The following FGF12 variants were observed in gnomAD, a reference collection of about 807,000 sequenced individuals.
FGF12 encodes the protein fibroblast growth factor 12B.
In FGF12, 14 loss-of-function variants were observed where a neutral mutation model predicts 23.6. The observed-to-expected ratio is 0.59, with a 90% CI of 0.39 to 0.93. The LOEUF (loss-of-function observed/expected upper bound fraction) is 0.93, where lower values mean the gene tolerates loss of function less well. Ranked by LOEUF, FGF12 falls within the 40% of genes least tolerant of loss-of-function variation. The probability of loss-of-function intolerance (pLI) is 0.00; values close to 1 mark genes in which losing one functional copy is unlikely to be tolerated. For synonymous variants in FGF12, 62 were observed against 77.3 expected, an observed-to-expected ratio of 0.80 and a Z score of 1.04; for missense variants, 175 against 217.8, an observed-to-expected ratio of 0.80 and a Z score of 1.24.
intron 2 of FGF12, among the ~76,000 whole-genome samples, chr3:192,601,917 AT>A (rs35676895): frequency 0.15 from 23,100 of 151,924 alleles, 1,781 homozygotes; most frequent in Middle Eastern, 0.19. Context: ...ACAACTGTCC[AT>A]TTTTTTTAAG....
In FGF12 at chr3:192,514,866, C is replaced by G. The variant is rs1724612867; in HGVS notation, c.14-154328G>C. ...CGGGTCCCGAGTCCATCGCGCGCGC[C>G]CAGGTGGAGGGGAGTTTGCACATGG... On this transcript the variant is annotated intron_variant, in intron 2 of 5. Transcript: ENST00000445105. The surrounding 1 kb of genome is among the most constrained non-coding windows in gnomAD (Gnocchi z 4.9). 1.0e-6 allele frequency: 1 copy of G among 985,238 alleles called. No individual in the cohort carries two copies. Among genetic ancestry groups the G allele is most frequent in the African/African-American group, 1.7e-5 (1 of 57,230 alleles). 61.0% of individuals were successfully genotyped at this position (985,238 alleles called of 1,614,324 possible).
At chr3:192,464,031 C>A (rs890150513) in intron 2 of FGF12, among the ~76,000 whole-genome samples, 6 of 152,138 alleles carry the variant, frequency 3.9e-5, no homozygotes, top group Non-Finnish European at 8.8e-5. Flanking sequence ...AAATTAGAGG[C>A]ACGTGAGAAG....
At chr3:192,376,229 C>T (rs951666308) in intron 2 of FGF12, among the ~76,000 whole-genome samples, 15 of 151,908 alleles carry the variant, frequency 9.9e-5, no homozygotes, top group Admixed American at 2.6e-4. Flanking sequence ...GATTTGTCTG[C>T]TTTCATCTCC....
rs146382051 is a variant in FGF12, at chr3:192,308,667, C to T, written c.228+26694G>A. ...TGCACTCCAGCCTGGCCAACAAGAACGAAACTCCATCTCAAAAAAAAAAAA... is the reference window on the plus strand; with the variant it reads ...TGCACTCCAGCCTGGCCAACAAGAATGAAACTCCATCTCAAAAAAAAAAAA... On this transcript the variant is annotated intron_variant, in intron 4 of 5. Transcript: ENST00000445105. 1.3e-3 allele frequency among the ~76,000 whole-genome samples: 200 copies of T among 149,454 alleles called. 1 individual carries two copies. Among genetic ancestry groups the T allele is most frequent in the African/African-American group, 4.6e-3 (187 of 40,470 alleles).
At chr3:192,155,158 C>T (rs963929727) in intron 5 of FGF12, among the ~76,000 whole-genome samples, 12 of 151,932 alleles carry the variant, frequency 7.9e-5, no homozygotes, top group African/African-American at 1.7e-4. Flanking sequence ...GGCAATGCCT[C>T]GCCCTGCTTC....
intron 5 of FGF12, among the ~76,000 whole-genome samples, chr3:192,166,167 C>T (rs1560174847): frequency 6.6e-6 from 1 of 152,084 alleles, no homozygotes; most frequent in Non-Finnish European, 1.5e-5. Flanking sequence ...GTAATGGTAA[C>T]CTGTTAAAAT....
chr3:192,229,087 C>T (rs1332162069), intron 4 of FGF12, among the ~76,000 whole-genome samples: 1 of 151,588 alleles, frequency 6.6e-6, no homozygotes, highest in Non-Finnish European at 1.5e-5. Flanking sequence ...TAAGGACATT[C>T]TATACTAAAC....
chr3:192,162,528 A>G lies in FGF12; in HGVS notation c.427+7930T>C, dbSNP rs565458062. 6.6e-5 allele frequency among the ~76,000 whole-genome samples: 10 copies of G among 152,218 alleles called. No individual in the cohort carries two copies. The South Asian group carries it at 1.5e-3, about 22-fold the overall frequency. ...AAAAAACTGGTTTGAATAAGTTACA[A>G]TGGTTTGCAGGAGGAAAGTATCACA... On this transcript the variant is annotated intron_variant, in intron 5 of 5. Transcript: ENST00000445105.
rs565660894 is a variant in FGF12, at chr3:192,409,800, G to T, written c.14-49262C>A. Among the ~76,000 whole-genome samples, 6 of 152,164 alleles carry T rather than the reference G, an allele frequency of 3.9e-5. No homozygotes were observed. In the East Asian group the frequency reaches 1.2e-3, roughly 30 times the overall value. ...GCAACCCGGGCGCTTGGGGCCGGAG[G>T]CGGAATCAGGGGCCGGGGCCAGGAG... On this transcript the variant is annotated intron_variant, in intron 2 of 5. Transcript: ENST00000445105. The surrounding 1 kb of genome is among the most constrained non-coding windows in gnomAD (Gnocchi z 4.8).
At chr3:192,163,786 AAC>A (rs1715007731) in intron 5 of FGF12, among the ~76,000 whole-genome samples, 1 of 151,498 alleles carries the variant, frequency 6.6e-6, no homozygotes, top group African/African-American at 2.4e-5. Context: ...CACCAATTCT[AAC>A]AAAGAAAATG....
At chr3:192,616,209 A>G (rs534199120) in intron 2 of FGF12, among the ~76,000 whole-genome samples, 1 of 152,070 alleles carries the variant, frequency 6.6e-6, no homozygotes, top group African/African-American at 2.4e-5. Flanking sequence ...AGTGTGCCAC[A>G]TTGTCACAGC....
At chr3:192,592,893 A>C (rs1713686645) in intron 2 of FGF12, among the ~76,000 whole-genome samples, 1 of 151,808 alleles carries the variant, frequency 6.6e-6, no homozygotes, top group Non-Finnish European at 1.5e-5. Context: ...TTTCTGACTG[A>C]CTATGATAAA....
intron 4 of FGF12, among the ~76,000 whole-genome samples, chr3:192,247,062 A>T (rs1711659631): frequency 6.9e-6 from 1 of 143,924 alleles, no homozygotes; most frequent in African/African-American, 2.6e-5. Context: ...GGAAGGAAGG[A>T]AGGAAGGAAG....
chr3:192,690,866 C>T (rs969122264), intron 2 of FGF12, among the ~76,000 whole-genome samples: 1 of 151,872 alleles, frequency 6.6e-6, no homozygotes, highest in African/African-American at 2.4e-5. Context: ...CAAATGGAAA[C>T]TTAAAGAGAG....
At chr3:192,457,802 C>T (rs1722726269) in intron 2 of FGF12, among the ~76,000 whole-genome samples, 1 of 152,162 alleles carries the variant, frequency 6.6e-6, no homozygotes. Flanking sequence ...TCCCCAAGAC[C>T]ATGGGGAAAA....
chr3:192,372,104 T>C (rs909126101), intron 2 of FGF12, among the ~76,000 whole-genome samples: 2 of 152,222 alleles, frequency 1.3e-5, no homozygotes, highest in Admixed American at 6.5e-5. Flanking sequence ...TCATTTGGCA[T>C]AGAAAAATCT....
chr3:192,583,815 TAGGCCTTAA>T (rs1421584297), intron 2 of FGF12, among the ~76,000 whole-genome samples: 1 of 152,230 alleles, frequency 6.6e-6, no homozygotes. Context: ...GCTTGTTTTA[TAGGCCTTAA>T]AGGGCTGCTT....
intron 2 of FGF12, chr3:192,534,161 A>C (rs1275854066): frequency 6.6e-6 from 1 of 152,470 alleles, no homozygotes; most frequent in African/African-American, 2.4e-5. Flanking sequence ...TCTATTTTTT[A>C]TGGTCAAATA....
At chr3:192,177,670 A>G (rs1396300885) in intron 4 of FGF12, among the ~76,000 whole-genome samples, 1 of 152,206 alleles carries the variant, frequency 6.6e-6, no homozygotes, top group Non-Finnish European at 1.5e-5. Flanking sequence ...GTACTCAGCC[A>G]CTGGTCTCCT....
Sources: allele counts gnomAD v4.1 joint callset (sites outside exome capture counted in the v4.1 genomes callset), GRCh38; gene constraint gnomAD v4.1.1; non-coding constraint Gnocchi (gnomAD v3.1); transcripts MANE v1.5; gene names NCBI Gene and HGNC (gene_info 2026-07-23, HGNC 2026-07-21).